ATXN2: variants seen among roughly 807,000 people sequenced by gnomAD.
The protein encoded by ATXN2 is ataxin 2.
In ATXN2, 37 loss-of-function variants were observed where a neutral mutation model predicts 138.6. The ratio of observed to expected loss-of-function variants is 0.27; its 90% CI spans 0.21 to 0.35. The LOEUF (loss-of-function observed/expected upper bound fraction) is 0.35. Ranked by LOEUF, ATXN2 falls within the 10% of genes least tolerant of loss-of-function variation. ATXN2 has a pLI of 1.00. For synonymous variants in ATXN2, 549 were observed against 543.7 expected (o/e 1.01, Z -0.13); for missense variants, 1,216 against 1,480.3 (o/e 0.82, Z 2.93).
At chr12:111,553,880 C>T (rs1391929620) in intron 3 of ATXN2, among the ~76,000 whole-genome samples, 3 of 152,014 alleles carry the variant, frequency 2.0e-5, no homozygotes, top group Non-Finnish European at 2.9e-5. Context: ...GGATTACAGG[C>T]GTGAGTCACT....
At chr12:111,458,298 T>G (rs1159544647) in intron 21 of ATXN2, 1 of 151,992 alleles carries the variant, frequency 6.6e-6, no homozygotes, top group Non-Finnish European at 1.5e-5. Context: ...CAGCTAATTT[T>G]TGTATTTTTA....
intron 5 of ATXN2, among the ~76,000 whole-genome samples, chr12:111,538,968 G>C (rs1466999601): frequency 6.7e-6 from 1 of 149,776 alleles, no homozygotes; most frequent in African/African-American, 2.4e-5. Context: ...AAAAAACAAG[G>C]TGACAGATTC....
In ATXN2 at chr12:111,555,902, T is replaced by C; in HGVS notation, c.269A>G (p.Lys90Arg). 1 of 1,603,686 alleles carries C rather than the reference T, an allele frequency of 6.2e-7. No individual in the cohort carries two copies. Among genetic ancestry groups the C allele is most frequent in the Non-Finnish European group, 8.5e-7 (1 of 1,175,740 alleles). The stretch of plus-strand genomic sequence containing the variant: ...ACTCACCGTAGACTGAGGCAGTCCT[T>C]TGTTACTGTTTCGACCTCTGAAAAG... ...PGLGRGRNSN[K>R]GLPQSTISFD... The change falls in exon 2 of 25, where the codon AAA (lysine) becomes AGA (arginine). Residue 90 changes from lysine (K) to arginine (R), a missense_variant. Physicochemically the swap from Lys to Arg is conservative, Grantham distance 26. Transcript: ENST00000673436.
Position 111,500,222 on chromosome 12 carries a change from G to A in ATXN2, c.1935+9327C>T, listed in dbSNP as rs555985389. On this transcript the variant is annotated intron_variant, in intron 14 of 24. Transcript: ENST00000673436. ...TTTGGAATCAACCTACGTGTCCACTGACAGACAAATGGAGAAAGAAAATGT... is the reference window on the plus strand; with the variant it reads ...TTTGGAATCAACCTACGTGTCCACTAACAGACAAATGGAGAAAGAAAATGT... Among the ~76,000 whole-genome samples the A allele has an allele frequency of 2.6e-5, 4 of 152,242 alleles. No individual in the cohort carries two copies. The South Asian group carries it at 8.3e-4, about 32-fold the overall frequency.
At chr12:111,556,401 T>C (rs1882391323) in intron 1 of ATXN2, among the ~76,000 whole-genome samples, 1 of 152,044 alleles carries the variant, frequency 6.6e-6, no homozygotes, top group Non-Finnish European at 1.5e-5. Flanking sequence ...ACTCCCAAAG[T>C]AACCAATCAC....
chr12:111,516,242 G>T lies in ATXN2; in HGVS notation c.1287C>A (p.Pro429=). Residue 429 remains proline (P), a synonymous_variant, in exon 10 of 25, where the codon CCC becomes CCA. Coordinates refer to ENST00000673436, the MANE Select transcript of ATXN2 (RefSeq NM_001372574.1). This position sits in a 1 kb window ranked among gnomAD's most constrained non-coding sequence, Gnocchi z 5.0. ...GAGACGGGGGTCTGGATGGCCGCGA[G>T]GGGGGCCTGGAGGGCGGCCGTGTAG... The part of the protein sequence containing the change: ...ATPTRPPSRP[P]SRPSRPPSHP... 6.4e-7 allele frequency: 1 copy of T among 1,569,048 alleles called. No homozygotes were observed. The highest frequency in any genetic ancestry group is 8.6e-7 in the Non-Finnish European group (1 of 1,164,012).
intron 21 of ATXN2, among the ~76,000 whole-genome samples, chr12:111,459,476 T>C (rs1039840353): frequency 3.9e-5 from 6 of 152,274 alleles, no homozygotes; most frequent in African/African-American, 1.4e-4. Context: ...AGTCTCGCTC[T>C]GTTGCCCAGG....
chr12:111,552,816 T>C lies in ATXN2; in HGVS notation c.420+90A>G, dbSNP rs182722764. 3 of 843,630 alleles carry C rather than the reference T, an allele frequency of 3.6e-6. No homozygotes were observed. Among genetic ancestry groups the C allele is most frequent in the East Asian group, 2.9e-5 (1 of 34,974 alleles). 52.3% of individuals were successfully genotyped at this position (843,630 alleles called of 1,614,324 possible). A position where few individuals can be genotyped will look rare whatever the true frequency, so the allele number is the denominator to read the frequency against. The stretch of plus-strand genomic sequence containing the variant: ...CAGTATTTGAAACTGAGAAGTAAAA[T>C]CATTCAAAGTGGCTTTAAAAACTAG... On this transcript the variant is annotated intron_variant, in intron 4 of 24. Coordinates refer to ENST00000673436, the MANE Select transcript of ATXN2 (RefSeq NM_001372574.1). The surrounding 1 kb of genome is among the most constrained non-coding windows in gnomAD (Gnocchi z 4.1).
At chr12:111,547,442 C>G (rs970283639) in intron 5 of ATXN2, among the ~76,000 whole-genome samples, 13 of 149,748 alleles carry the variant, frequency 8.7e-5, no homozygotes, top group Non-Finnish European at 1.9e-4. Flanking sequence ...AAAGGTTTCC[C>G]TGGCTGGGCG....
intron 1 of ATXN2, among the ~76,000 whole-genome samples, chr12:111,566,691 C>G (rs934419861): frequency 2.0e-5 from 3 of 150,204 alleles, no homozygotes; most frequent in African/African-American, 2.5e-5. Flanking sequence ...GGCTGGAGTG[C>G]AAGGGCACAA....
intron 1 of ATXN2, among the ~76,000 whole-genome samples, chr12:111,568,227 C>T (rs1304485646): frequency 1.3e-5 from 2 of 151,974 alleles, no homozygotes; most frequent in African/African-American, 2.4e-5. Flanking sequence ...CGACAATGCA[C>T]TCCAGCCTGA....
At chr12:111,465,767 CAAAAAAAAAAAAA>C (rs61456193) in intron 20 of ATXN2, among the ~76,000 whole-genome samples, 1 of 36,272 alleles carries the variant, frequency 2.8e-5, no homozygotes, top group African/African-American at 6.9e-5. Flanking sequence ...GAGACTACCT[CAAAAAAAAAAAAA>C]AAAAAAAAAA....
In ATXN2 at chr12:111,598,902, G is replaced by T; in HGVS notation, c.133C>A (p.Leu45Ile). The T allele has an allele frequency of 6.6e-7, 1 of 1,508,592 alleles. No individual in the cohort carries two copies. Among genetic ancestry groups the T allele is most frequent in the South Asian group, 1.2e-5 (1 of 81,452 alleles). 93.5% of individuals were successfully genotyped at this position (1,508,592 alleles called of 1,614,324 possible). Residue 45 changes from leucine to isoleucine, a missense_variant, in exon 1 of 25, where the codon CTA (leucine) becomes ATA (isoleucine). By Grantham distance (5) the Leu-to-Ile change is conservative. Coordinates refer to ENST00000673436, the MANE Select transcript of ATXN2 (RefSeq NM_001372574.1). The surrounding 1 kb of genome is among the most constrained non-coding windows in gnomAD (Gnocchi z 4.5). ...NVRKPGGSGLLASPAAAPSPS... is the reference protein window; with the variant it reads ...NVRKPGGSGLIASPAAAPSPS... ...GAAGGCGCGGCGGCGGGCGACGCTAGAAGGCCGCTGCCGCCGGGCTTGCGG... is the reference window on the plus strand; with the variant it reads ...GAAGGCGCGGCGGCGGGCGACGCTATAAGGCCGCTGCCGCCGGGCTTGCGG...
In ATXN2 at chr12:111,597,980, C is replaced by T. The variant is rs958549328; in HGVS notation, c.251+804G>A. On this transcript the variant is annotated intron_variant, in intron 1 of 24. Transcript: ENST00000673436. ...AGCAATGCGGATCGGCCACCACCCG[C>T]GCGCCGGAGAGGTCTGGCGGGGGAA... 4.1e-6 allele frequency: 5 copies of T among 1,214,874 alleles called. No individual in the cohort carries two copies. In the African/African-American group the frequency reaches 7.8e-5, roughly 19 times the overall value. 75.3% of individuals were successfully genotyped at this position (1,214,874 alleles called of 1,614,324 possible).
chr12:111,599,310 AGCTCTGCCGGGAGGGAGGGGG>A, exon 1 of ATXN2: 4 of 899,878 alleles, frequency 4.4e-6, no homozygotes, highest in Non-Finnish European at 5.1e-6. Context: ...GAGGGAGGCG[AGCTCTGCCGGGAGGGAGGGGG>A]GCCGGGGCCG....
At chr12:111,567,767 T>C (rs936099933) in intron 1 of ATXN2, among the ~76,000 whole-genome samples, 2 of 151,958 alleles carry the variant, frequency 1.3e-5, no homozygotes, top group African/African-American at 2.4e-5. Context: ...TGGGCCGAGA[T>C]TGGGCCACTG....
intron 1 of ATXN2, among the ~76,000 whole-genome samples, chr12:111,561,823 T>G (rs1330683007): frequency 6.6e-6 from 1 of 151,816 alleles, no homozygotes; most frequent in African/African-American, 2.4e-5. Flanking sequence ...GTCTTTCTGT[T>G]TTTTTTGAGA....
chr12:111,479,040 A>T lies in ATXN2; in HGVS notation c.2524+6225T>A, dbSNP rs1038070779. 2.4e-4 allele frequency: 90 copies of T among 368,416 alleles called. No homozygotes were observed. The East Asian group carries it at 2.9e-3, about 12-fold the overall frequency. 22.8% of individuals were successfully genotyped at this position (368,416 alleles called of 1,614,324 possible). A position where few individuals can be genotyped will look rare whatever the true frequency, so the allele number is the denominator to read the frequency against. On this transcript the variant is annotated intron_variant, in intron 18 of 24. Coordinates refer to ENST00000673436, the MANE Select transcript of ATXN2 (RefSeq NM_001372574.1). ...AATAAATAAATAAAAAATAAAATAA[A>T]TTTTTTAAAAAAATGAAATATGCAC...
Position 111,567,435 on chromosome 12 carries a change from G to A in ATXN2, c.252-11516C>T, listed in dbSNP as rs532194794. Among the ~76,000 whole-genome samples the A allele has an allele frequency of 2.0e-5, 3 of 152,170 alleles. No individual in the cohort carries two copies. The East Asian group carries it at 5.8e-4, about 29-fold the overall frequency. On this transcript the variant is annotated intron_variant, in intron 1 of 24. Coordinates refer to ENST00000673436, the MANE Select transcript of ATXN2 (RefSeq NM_001372574.1). ...GAATCACTTGAACCCGGAAGGCAGA[G>A]GTTGCAGTAAGCTGAGATTGAGCCA...
Sources: gnomAD v4.1 joint callset for allele counts (sites outside exome capture counted in the v4.1 genomes callset) on GRCh38, gnomAD v4.1.1 for gene constraint, Gnocchi (gnomAD v3.1) non-coding constraint, MANE v1.5 for transcripts, NCBI Gene and HGNC (gene_info 2026-07-23, HGNC 2026-07-21) for gene names.